LRRC49: variants seen among roughly 807,000 people sequenced by gnomAD.
LRRC49 encodes leucine rich repeat containing 49.
A neutral mutation model predicts 83.3 loss-of-function variants in LRRC49; 50 were observed. That is an observed-to-expected ratio of 0.60 (90% CI 0.48 to 0.76). LRRC49 has a LOEUF of 0.76. Among genes scored for constraint, LRRC49 ranks in the 30% least tolerant of loss-of-function variants. The probability of loss-of-function intolerance (pLI) is 0.00; values close to 1 mark genes in which losing one functional copy is unlikely to be tolerated. For missense variants in LRRC49, 704 were observed against 809.1 expected (o/e 0.87, Z 1.58); for synonymous variants, 286 against 283.3 (o/e 1.01, Z -0.10).
chr15:70,997,514 G>T (rs2038113450), intron 11 of LRRC49, among the ~76,000 whole-genome samples: 1 of 152,154 alleles, frequency 6.6e-6, no homozygotes, highest in African/African-American at 2.4e-5. Context: ...ACTTTGGGAG[G>T]CTGAGGCGGG....
intron 7 of LRRC49, among the ~76,000 whole-genome samples, chr15:70,921,677 G>T (rs762325093): frequency 2.0e-5 from 3 of 152,198 alleles, no homozygotes; most frequent in Non-Finnish European, 4.4e-5. Context: ...TCTGCTCAGG[G>T]TTATCTCAGT....
chr15:70,875,782 T>C (rs1052096553), intron 2 of LRRC49, among the ~76,000 whole-genome samples: 22 of 152,148 alleles, frequency 1.4e-4, no homozygotes, highest in African/African-American at 5.3e-4. Context: ...CCGATAAGCG[T>C]CTTGGAGCCT....
intron 7 of LRRC49, among the ~76,000 whole-genome samples, chr15:70,923,658 T>A (rs186777432): frequency 1.1e-3 from 160 of 151,984 alleles, no homozygotes; most frequent in African/African-American, 3.7e-3. Context: ...TTTAGAAAAA[T>A]TTTTAATTTG....
intron 14 of LRRC49, among the ~76,000 whole-genome samples, chr15:71,031,343 TTGC>T (rs2039345380): frequency 6.6e-6 from 1 of 152,202 alleles, no homozygotes; most frequent in Non-Finnish European, 1.5e-5. Flanking sequence ...ACAGCAAAGA[TTGC>T]TGCCTGCTCC....
chr15:70,965,751 T>C (rs891320099), intron 9 of LRRC49, among the ~76,000 whole-genome samples: 1 of 152,160 alleles, frequency 6.6e-6, no homozygotes, highest in African/African-American at 2.4e-5. Flanking sequence ...TGCCAAGCTT[T>C]TCTTTGTGAA....
intron 8 of LRRC49, among the ~76,000 whole-genome samples, chr15:70,958,833 T>A (rs1427516151): frequency 6.6e-6 from 1 of 152,196 alleles, no homozygotes; most frequent in Non-Finnish European, 1.5e-5. Context: ...AAATAATTAA[T>A]AGCAGGGTAT....
intron 1 of LRRC49, among the ~76,000 whole-genome samples, chr15:70,855,390 T>G (rs905671337): frequency 6.8e-6 from 1 of 147,750 alleles, no homozygotes. Flanking sequence ...GAAAAAGAAA[T>G]GAATAAGACC....
intron 6 of LRRC49, chr15:70,918,801 A>G: frequency 3.0e-6 from 1 of 335,428 alleles, no homozygotes; most frequent in Non-Finnish European, 5.4e-6. Flanking sequence ...CTCATTGACT[A>G]TTTGATGACG....
intron 15 of LRRC49, among the ~76,000 whole-genome samples, chr15:71,040,642 A>G (rs1596175716): frequency 6.6e-6 from 1 of 151,624 alleles, no homozygotes; most frequent in Non-Finnish European, 1.5e-5. Flanking sequence ...ACACGGTGAA[A>G]CCCCGTCTCT....
chr15:70,918,374 A>G (rs2034872123), intron 6 of LRRC49: 1 of 152,216 alleles, frequency 6.6e-6, no homozygotes. Context: ...TGGTCAGAAA[A>G]ATGACACCCC....
At chr15:71,048,735 A>G (rs1287549440) in intron 15 of LRRC49, 1 of 449,848 alleles carries the variant, frequency 2.2e-6, no homozygotes, top group African/African-American at 2.0e-5. Context: ...AAATATCCTC[A>G]GCTCCAAAAT....
chr15:70,878,327 C>T (rs1352355092), intron 2 of LRRC49, among the ~76,000 whole-genome samples: 1 of 152,050 alleles, frequency 6.6e-6, no homozygotes, highest in African/African-American at 2.4e-5. Context: ...TAATAGATTT[C>T]TTAGGAGGTT....
At chr15:70,864,194 T>C (rs955731902) in intron 1 of LRRC49, among the ~76,000 whole-genome samples, 1 of 152,076 alleles carries the variant, frequency 6.6e-6, no homozygotes, top group African/African-American at 2.4e-5. Flanking sequence ...TGTGTATTAA[T>C]AACATTAGTG....
intron 10 of LRRC49, 105 bp downstream of exon 10, chr15:70,980,289 T>C (rs2141221441): frequency 2.8e-6 from 2 of 716,918 alleles, no homozygotes; most frequent in East Asian, 5.6e-5. Flanking sequence ...ACTTTGTAAG[T>C]TTTTTGTTCC....
chr15:70,949,028 G>T (rs765088394), intron 8 of LRRC49, among the ~76,000 whole-genome samples: 18 of 152,140 alleles, frequency 1.2e-4, no homozygotes, highest in East Asian at 5.8e-4. Flanking sequence ...ACTTATTTAT[G>T]GACCCTGAAA....
chr15:70,991,373 G>C (rs1004705659), intron 11 of LRRC49, among the ~76,000 whole-genome samples: 1 of 152,100 alleles, frequency 6.6e-6, no homozygotes, highest in African/African-American at 2.4e-5. Flanking sequence ...CAGGGGATTG[G>C]TTCCCTGCAA....
In LRRC49 at chr15:70,911,578, T is replaced by C; in HGVS notation, c.547T>C (p.Leu183=). The C allele has an allele frequency of 6.3e-7, 1 of 1,576,684 alleles. No homozygotes were observed. Among genetic ancestry groups the C allele is most frequent in the Non-Finnish European group, 8.6e-7 (1 of 1,162,336 alleles). Residue 183 remains leucine, a synonymous_variant, in exon 6 of 16, where the codon TTG becomes CTG. Transcript: ENST00000260382. ...NLENLKSLDV[L]DLHGNQITKI... ...GGAGAATCTAAAAAGCTTAGATGTC[T>C]TGGATCTTCATGGAAATCAGGTATT... is the stretch of plus-strand genomic sequence containing the variant.
chr15:70,910,541 A>C (rs2034509321), intron 5 of LRRC49, among the ~76,000 whole-genome samples: 1 of 152,184 alleles, frequency 6.6e-6, no homozygotes, highest in Admixed American at 6.5e-5. Flanking sequence ...GGTTGTATGA[A>C]CTTAATTTGT....
At chr15:70,914,503 T>C (rs1171501547) in intron 6 of LRRC49, among the ~76,000 whole-genome samples, 1 of 152,126 alleles carries the variant, frequency 6.6e-6, no homozygotes, top group African/African-American at 2.4e-5. Flanking sequence ...TGGGAGAAAC[T>C]AATTACAATA....
Sources: gnomAD v4.1 joint callset for allele counts (sites outside exome capture counted in the v4.1 genomes callset) on GRCh38, gnomAD v4.1.1 for gene constraint, MANE v1.5 for transcripts, NCBI Gene and HGNC (gene_info 2026-07-23, HGNC 2026-07-21) for gene names.